BCL2L15: variants seen among roughly 807,000 people sequenced by gnomAD.
BCL2L15 encodes BCL2 like 15.
Under a neutral mutation model 18.3 loss-of-function variants are expected in BCL2L15, and 15 were observed. The observed-to-expected ratio is 0.82, with a 90% CI of 0.55 to 1.26. BCL2L15 has a LOEUF of 1.26. Among genes scored for constraint, BCL2L15 ranks in the 50% most tolerant of loss-of-function variants. The pLI is 0.00. For missense variants in BCL2L15, 180 were observed against 201.7 expected, an observed-to-expected ratio of 0.89 and a Z score of 0.65; for synonymous variants, 58 against 68.5, an observed-to-expected ratio of 0.85 and a Z score of 0.76.
At chr1:113,886,872 T>G (rs934343015) in intron 1 of BCL2L15, among the ~76,000 whole-genome samples, 2 of 151,974 alleles carry the variant, frequency 1.3e-5, no homozygotes, top group African/African-American at 4.8e-5. Flanking sequence ...AGAGTTTGCC[T>G]TTTGAAACTT....
At position 113,879,284 on chromosome 1, in the gene BCL2L15, T is replaced by C. The variant is rs1279664488; in HGVS notation, c.*1839A>G. On this transcript the variant is annotated 3_prime_UTR_variant, in exon 4 of 4. Coordinates refer to ENST00000393316, the MANE Select transcript of BCL2L15 (RefSeq NM_001010922.3). ...TTTGTTAAACTTTAGCCAAAGTTATTAATGCTGCTTTTCATGAATCACTGT... is the reference window on the plus strand; with the variant it reads ...TTTGTTAAACTTTAGCCAAAGTTATCAATGCTGCTTTTCATGAATCACTGT... 4 of 152,394 alleles carry C rather than the reference T, an allele frequency of 2.6e-5. No homozygotes were observed. Among genetic ancestry groups the C allele is most frequent in the African/African-American group, 4.8e-5 (2 of 41,474 alleles). 9.4% of individuals were successfully genotyped at this position (152,394 alleles called of 1,614,324 possible).
intron 1 of BCL2L15, 77 bp downstream of exon 1, chr1:113,887,172 A>G (rs1341418710): frequency 2.8e-6 from 4 of 1,409,948 alleles, no homozygotes. Context: ...TGCTGGGATT[A>G]CGGGAATCAG....
rs1240780913 is a variant in BCL2L15 at position 113,879,535 on chromosome 1, T to C, written c.*1588A>G. 6.6e-6 allele frequency: 1 copy of C among 152,308 alleles called. No individual in the cohort carries two copies. Among genetic ancestry groups the C allele is most frequent in the Non-Finnish European group, 1.5e-5 (1 of 68,022 alleles). The allele number at this position is 152,308 out of a possible 1,614,324, so 9.4% of individuals were successfully genotyped here. ...GCTGAAGACCCAGAGAAACTGTGGA[T>C]TATGCAAGAACTAACAAACATATGG... On this transcript the variant is annotated 3_prime_UTR_variant, in exon 4 of 4. Transcript: ENST00000393316.
chr1:113,886,816 T>C (rs560927102), intron 1 of BCL2L15, among the ~76,000 whole-genome samples, 158 bp from the exon 2 acceptor site: 36 of 152,324 alleles, frequency 2.4e-4, no homozygotes, highest in Non-Finnish European at 5.0e-4. Flanking sequence ...TCAGAAAGTT[T>C]CCCTTCATTG....
In BCL2L15 at chr1:113,882,014, G is replaced by T; in HGVS notation, c.250-17C>A. On this transcript the variant is annotated splice_polypyrimidine_tract_variant and intron_variant, in intron 2 of 3. Coordinates refer to ENST00000393316, the MANE Select transcript of BCL2L15 (RefSeq NM_001010922.3). ...AGCTCCTGTCTGAGGAAAGACAAAG[G>T]AAACATCAACAGAGTATCACTCAAA... 6.2e-7 allele frequency: 1 copy of T among 1,605,576 alleles called. No homozygotes were observed. Among genetic ancestry groups the T allele is most frequent in the Non-Finnish European group, 8.5e-7 (1 of 1,173,500 alleles).
Position 113,881,808 on chromosome 1 carries a change from C to T in BCL2L15, c.439G>A (p.Ala147Thr). The T allele has an allele frequency of 1.2e-6, 2 of 1,614,206 alleles. No homozygotes were observed. Among genetic ancestry groups the T allele is most frequent in the Non-Finnish European group, 1.7e-6 (2 of 1,180,020 alleles). ...PMTGMINGNQ[A>T]IREFIQGQGG... ...TGGCCCTGGATGAACTCCCGGATGGCTTGGTTCCCATTGATCATACCCGTC... is the reference window on the plus strand; with the variant it reads ...TGGCCCTGGATGAACTCCCGGATGGTTTGGTTCCCATTGATCATACCCGTC... The change falls in exon 3 of 4, where the codon GCC becomes ACC. Residue 147 changes from alanine to threonine, a missense_variant. Transcript: ENST00000393316.
In BCL2L15 at chr1:113,880,215, T is replaced by TTTTGTTTG. The variant is rs71090743; in HGVS notation, c.*900_*907dup. ...TGACCTTCCTAGTAGAAACAACTGT[T>TTTTGTTTG]TTTGTTTGTTTGTTTGTTTTTTGCT... On this transcript the variant is annotated 3_prime_UTR_variant, in exon 4 of 4. Coordinates refer to ENST00000393316, the MANE Select transcript of BCL2L15 (RefSeq NM_001010922.3). 6.6e-6 allele frequency: 1 copy of TTTTGTTTG among 152,064 alleles called. No individual in the cohort carries two copies. Among genetic ancestry groups the TTTTGTTTG allele is most frequent in the Admixed American group, 6.5e-5 (1 of 15,268 alleles). The allele number at this position is 152,064 out of a possible 1,614,324, so 9.4% of individuals were successfully genotyped here.
chr1:113,887,243 C>A lies in BCL2L15; in HGVS notation c.127+6G>T, dbSNP rs1160835351. On this transcript the variant is annotated splice_donor_region_variant and intron_variant, in intron 1 of 3. Transcript: ENST00000393316. ...CTGCAATCACCGCCTAGGGCAGGAA[C>A]CTTACCTGAATCTACTTCATCTACA... The A allele has an allele frequency of 6.2e-7, 1 of 1,613,422 alleles. No individual in the cohort carries two copies. Among genetic ancestry groups the A allele is most frequent in the South Asian group, 1.1e-5 (1 of 91,062 alleles).
intron 2 of BCL2L15, among the ~76,000 whole-genome samples, chr1:113,882,239 G>A (rs889092692): frequency 6.6e-6 from 1 of 152,156 alleles, no homozygotes; most frequent in Admixed American, 6.5e-5. Flanking sequence ...TTATTGCTTA[G>A]GTTAAACAAA....
Position 113,887,356 on chromosome 1 carries a change from A to AC in BCL2L15, c.19_20insG (p.Phe7CysfsTer2). The AC allele has an allele frequency of 5.0e-6, 8 of 1,614,142 alleles. No individual in the cohort carries two copies. The highest frequency in any genetic ancestry group is 6.8e-6 in the Non-Finnish European group (8 of 1,180,010). On this transcript the variant is annotated frameshift_variant, in exon 1 of 4. Coordinates refer to ENST00000393316, the MANE Select transcript of BCL2L15 (RefSeq NM_001010922.3). LOFTEE classifies it high-confidence loss of function. The stretch of plus-strand genomic sequence containing the variant: ...CACAATGCATTCCGTTTGTTCCTCA[A>AC]AAGTTTGGGAGCTCTTCATTTTAGA...
Position 113,879,843 on chromosome 1 carries a change from T to C in BCL2L15, c.*1280A>G, listed in dbSNP as rs1666816871. 1 of 152,212 alleles carries C rather than the reference T, an allele frequency of 6.6e-6. No individual in the cohort carries two copies. 9.4% of individuals were successfully genotyped at this position (152,212 alleles called of 1,614,324 possible). Reference sequence around the variant, plus strand: ...GAATGTTGCTCTATTCCAATAAAACTTTATTTACAAAATAAGACAGCAAGC... The same window carrying C: ...GAATGTTGCTCTATTCCAATAAAACCTTATTTACAAAATAAGACAGCAAGC... On this transcript the variant is annotated 3_prime_UTR_variant, in exon 4 of 4. Coordinates refer to ENST00000393316, the MANE Select transcript of BCL2L15 (RefSeq NM_001010922.3).
At chr1:113,887,153 C>A (rs1667061939) in intron 1 of BCL2L15, 96 bp downstream of exon 1, 3 of 1,224,030 alleles carry the variant, frequency 2.5e-6, no homozygotes, top group Middle Eastern at 2.6e-4. Flanking sequence ...CCACCTTGGC[C>A]TCCCAAAGTG....
intron 2 of BCL2L15, among the ~76,000 whole-genome samples, chr1:113,885,857 G>A (rs562513243): frequency 1.3e-5 from 2 of 151,498 alleles, no homozygotes; most frequent in East Asian, 2.0e-4. Flanking sequence ...GCAGTGAGCC[G>A]AGATCGCGCC....
Position 113,881,819 on chromosome 1 carries a change from T to A in BCL2L15, c.428A>T (p.Asn143Ile). ...GAACTCCCGGATGGCTTGGTTCCCATTGATCATACCCGTCATGGGGATAGC... is the reference window on the plus strand; with the variant it reads ...GAACTCCCGGATGGCTTGGTTCCCAATGATCATACCCGTCATGGGGATAGC... ...QVAIPMTGMI[N>I]GNQAIREFIQ... The change falls in exon 3 of 4, where the codon AAT becomes ATT. Residue 143 changes from asparagine to isoleucine, a missense_variant. Transcript: ENST00000393316. 6.2e-7 allele frequency: 1 copy of A among 1,614,216 alleles called. No homozygotes were observed.
intron 3 of BCL2L15, 104 bp from the exon 4 acceptor site, chr1:113,881,244 A>G (rs1412242370): frequency 1.4e-5 from 22 of 1,537,536 alleles, no homozygotes; most frequent in Non-Finnish European, 1.9e-5. Context: ...TGTAGCTCTT[A>G]TTAAGGCTTT....
rs188003806 is a variant in BCL2L15, at chr1:113,880,891, T to C, written c.*232A>G. On this transcript the variant is annotated 3_prime_UTR_variant, in exon 4 of 4. Transcript: ENST00000393316. ...ATGTGAAAACAGAAAGTAGAAAATCTCTGTGGTTTGCATTAAGTTGACAAA... is the reference window on the plus strand; with the variant it reads ...ATGTGAAAACAGAAAGTAGAAAATCCCTGTGGTTTGCATTAAGTTGACAAA... The C allele has an allele frequency of 1.9e-4, 110 of 575,904 alleles. No individual in the cohort carries two copies. In the African/African-American group the frequency reaches 2.2e-3, roughly 11 times the overall value. The allele number at this position is 575,904 out of a possible 1,614,324, so 35.7% of individuals were successfully genotyped here.
intron 2 of BCL2L15, among the ~76,000 whole-genome samples, chr1:113,885,973 C>G (rs533040557): frequency 1.3e-5 from 2 of 151,272 alleles, no homozygotes; most frequent in Non-Finnish European, 1.5e-5. Context: ...TTTGGGAGGC[C>G]GAGGTGAGTG....
chr1:113,882,703 C>T (rs540070769), intron 2 of BCL2L15, among the ~76,000 whole-genome samples: 5 of 151,960 alleles, frequency 3.3e-5, no homozygotes, highest in South Asian at 2.1e-4. Flanking sequence ...CTTTGGGAGG[C>T]GAAAGTGGGA....
chr1:113,883,618 C>CAA (rs74443242), intron 2 of BCL2L15, among the ~76,000 whole-genome samples: 3 of 112,930 alleles, frequency 2.7e-5, no homozygotes, highest in African/African-American at 6.5e-5. Context: ...TACTAAAATA[C>CAA]AAAAAAAAAA....
Sources: gnomAD v4.1 joint callset for allele counts (sites outside exome capture counted in the v4.1 genomes callset) on GRCh38, gnomAD v4.1.1 for gene constraint, MANE v1.5 for transcripts, NCBI Gene and HGNC (gene_info 2026-07-23, HGNC 2026-07-21) for gene names.